Variants in SUMO3 observed in about 807,000 individuals in gnomAD.
SUMO3 encodes the protein small ubiquitin like modifier 3.
Under a neutral mutation model 11.1 loss-of-function variants are expected in SUMO3, and 2 were observed. The ratio of observed to expected loss-of-function variants is 0.18; its 90% confidence interval spans 0.07 to 0.57. The LOEUF is 0.57. Among genes scored for constraint, SUMO3 ranks in the 20% least tolerant of loss-of-function variants. SUMO3 has a pLI of 0.92. For missense variants in SUMO3, 70 were observed against 132.8 expected (o/e 0.53, Z 2.32); for synonymous variants, 56 against 53.5 (o/e 1.05, Z -0.20).
Position 44,810,882 on chromosome 21 carries a change from C to T in SUMO3, c.151-1764G>A, listed in dbSNP as rs1165414284. On this transcript the variant is annotated intron_variant, in intron 2 of 3. Coordinates refer to ENST00000332859, the MANE Select transcript of SUMO3 (RefSeq NM_006936.3). The surrounding 1 kb of genome is among the most constrained non-coding windows in gnomAD (Gnocchi z 4.1). Reference sequence around the variant, plus strand: ...CAGAGGAGAACGGACAGGAAGGAGGCAGGAGAACACTCCCAACACAGGCAC... The same window carrying T: ...CAGAGGAGAACGGACAGGAAGGAGGTAGGAGAACACTCCCAACACAGGCAC... Among the ~76,000 whole-genome samples the T allele has an allele frequency of 4.6e-5, 7 of 151,990 alleles. No homozygotes were observed. Among genetic ancestry groups the T allele is most frequent in the Admixed American group, 4.6e-4 (7 of 15,258 alleles).
Position 44,806,627 on chromosome 21 carries a change from A to G in SUMO3, c.*324T>C. ...GGAGTCAGATCCCTGGCCAGACTAA[A>G]AGCGAACATTCAGGCTATAATTTTG... On this transcript the variant is annotated 3_prime_UTR_variant, in exon 4 of 4. Coordinates refer to ENST00000332859, the MANE Select transcript of SUMO3 (RefSeq NM_006936.3). The G allele has an allele frequency of 2.6e-6, 1 of 388,112 alleles. No individual in the cohort carries two copies. Among genetic ancestry groups the G allele is most frequent in the Non-Finnish European group, 4.5e-6 (1 of 222,490 alleles). The allele number at this position is 388,112 out of a possible 1,614,324, so 24.0% of individuals were successfully genotyped here.
rs200616849 is a variant in SUMO3, at chr21:44,806,887, T to C, written c.*64A>G. 8.6e-4 allele frequency: 1,370 copies of C among 1,598,170 alleles called. 24 individuals are homozygous for C. The South Asian group carries it at 0.013, about 16-fold the overall frequency. On this transcript the variant is annotated 3_prime_UTR_variant, in exon 4 of 4. Coordinates refer to ENST00000332859, the MANE Select transcript of SUMO3 (RefSeq NM_006936.3). ...TCCGCAGACACCTTTGTGGTCGGCA[T>C]GGTCACGTGCTCACCATTCAACAGC...
intron 2 of SUMO3, chr21:44,813,643 G>C: frequency 1.5e-6 from 1 of 654,528 alleles, no homozygotes; most frequent in Non-Finnish European, 2.6e-6. Flanking sequence ...CCAGACCTGA[G>C]CAGGGCCCCC....
Position 44,806,278 on chromosome 21 carries a change from C to T in SUMO3, c.*673G>A, listed in dbSNP as rs1195522518. The T allele has an allele frequency of 1.9e-5, 2 of 106,572 alleles. No homozygotes were observed. The highest frequency in any genetic ancestry group is 3.8e-5 in the Non-Finnish European group (2 of 52,454). The allele number at this position is 106,572 out of a possible 1,614,324, so 6.6% of individuals were successfully genotyped here. Reference sequence around the variant, plus strand: ...GCAGGGAGTGGGGTGGGAGGGGTGGCAGGGGGGTGGGTCCTGGGCCTCAGA... The same window carrying T: ...GCAGGGAGTGGGGTGGGAGGGGTGGTAGGGGGGTGGGTCCTGGGCCTCAGA... On this transcript the variant is annotated 3_prime_UTR_variant, in exon 4 of 4. Coordinates refer to ENST00000332859, the MANE Select transcript of SUMO3 (RefSeq NM_006936.3).
chr21:44,809,759 C>T lies in SUMO3; in HGVS notation c.151-641G>A, dbSNP rs148248359. Among the ~76,000 whole-genome samples the T allele has an allele frequency of 6.6e-3, 1,007 of 152,258 alleles. 4 individuals carry two copies. The highest frequency in any genetic ancestry group is 0.014 in the South Asian group (67 of 4,828). ...ATGTGCCAGGGGAGGGGAAATGAGC[C>T]GCCAGGTGAATACTAACCTTCCAGT... On this transcript the variant is annotated intron_variant, in intron 2 of 3. Transcript: ENST00000332859.
In SUMO3 at chr21:44,805,940, A is replaced by ATT. The variant is rs2083173247; in HGVS notation, c.*1010_*1011insAA. The ATT allele has an allele frequency of 1.3e-5, 2 of 152,526 alleles. No individual in the cohort carries two copies. Among genetic ancestry groups the ATT allele is most frequent in the Non-Finnish European group, 2.9e-5 (2 of 68,046 alleles). 9.4% of individuals were successfully genotyped at this position (152,526 alleles called of 1,614,324 possible). On this transcript the variant is annotated 3_prime_UTR_variant, in exon 4 of 4. Transcript: ENST00000332859. Reference sequence around the variant, plus strand: ...AATCACCAGACTAATGCATAAATTCAATACCTATTTGGAAAGCAGCACGGC... The same window carrying ATT: ...AATCACCAGACTAATGCATAAATTCATTATACCTATTTGGAAAGCAGCACGGC...
At position 44,806,812 on chromosome 21, in the gene SUMO3, T is replaced by G. The variant is rs372273961; in HGVS notation, c.*139A>C. 7.3e-5 allele frequency: 106 copies of G among 1,460,036 alleles called. No homozygotes were observed. The highest frequency in any genetic ancestry group is 9.5e-5 in the Non-Finnish European group (105 of 1,099,994). 90.4% of individuals were successfully genotyped at this position (1,460,036 alleles called of 1,614,324 possible). On this transcript the variant is annotated 3_prime_UTR_variant, in exon 4 of 4. Coordinates refer to ENST00000332859, the MANE Select transcript of SUMO3 (RefSeq NM_006936.3). ...CTGCAGATATAGTTTTGAGTTGCACTTGAAGTACATCAAAGAGAGGAAAAT... is the reference window on the plus strand; with the variant it reads ...CTGCAGATATAGTTTTGAGTTGCACGTGAAGTACATCAAAGAGAGGAAAAT...
rs111414442 is a variant in SUMO3 at position 44,810,172 on chromosome 21, C to T, written c.151-1054G>A. ...TTTGATTTAACTGAAACAGGACAGACGGGGTTAAAACGTGCATCTCTGCTC... is the reference window on the plus strand; with the variant it reads ...TTTGATTTAACTGAAACAGGACAGATGGGGTTAAAACGTGCATCTCTGCTC... On this transcript the variant is annotated intron_variant, in intron 2 of 3. Coordinates refer to ENST00000332859, the MANE Select transcript of SUMO3 (RefSeq NM_006936.3). The surrounding 1 kb of genome is among the most constrained non-coding windows in gnomAD (Gnocchi z 4.1). 3.0e-4 allele frequency among the ~76,000 whole-genome samples: 45 copies of T among 152,284 alleles called. No homozygotes were observed. The highest frequency in any genetic ancestry group is 8.2e-4 in the African/African-American group (34 of 41,558).
chr21:44,809,369 C>A (rs1412909422), intron 2 of SUMO3, among the ~76,000 whole-genome samples: 1 of 152,208 alleles, frequency 6.6e-6, no homozygotes, highest in Non-Finnish European at 1.5e-5. Context: ...TGCCTGACAC[C>A]ACTGCTTTCA....
chr21:44,808,237 G>A (rs916241554), intron 3 of SUMO3: 4 of 252,716 alleles, frequency 1.6e-5, no homozygotes, highest in Admixed American at 5.5e-5. Context: ...TTTCGGCCGG[G>A]CGCGTTGGCT....
At chr21:44,816,660 G>A (rs1466264785) in intron 1 of SUMO3, among the ~76,000 whole-genome samples, 1 of 152,150 alleles carries the variant, frequency 6.6e-6, no homozygotes, top group Non-Finnish European at 1.5e-5. Flanking sequence ...TATGAACACT[G>A]GAGAATGCGA....
chr21:44,813,731 A>G, intron 2 of SUMO3: 1 of 1,308,714 alleles, frequency 7.6e-7, no homozygotes, highest in Non-Finnish European at 1.0e-6. Flanking sequence ...CCGCCCTGTC[A>G]GGAAGAAAAA....
chr21:44,817,871 T>C (rs909010299), intron 1 of SUMO3, 77 bp downstream of exon 1: 9 of 3,910 alleles, frequency 2.3e-3, no homozygotes, highest in African/African-American at 6.7e-3. Flanking sequence ...CGGGGCGGAG[T>C]CGGGGTGGGG....
chr21:44,809,184 T>C (rs1214564834), intron 2 of SUMO3, 66 bp from the exon 3 acceptor site: 5 of 1,493,602 alleles, frequency 3.3e-6, no homozygotes, highest in East Asian at 2.3e-5. Flanking sequence ...GCAGTGGCCA[T>C]TAGTCTCACT....
In SUMO3 at chr21:44,806,778, G is replaced by T; in HGVS notation, c.*173C>A. ...TCTGATTGGCCCAATTTAAGTTACA[G>T]ATTCATCCCTGCAGATATAGTTTTG... is the stretch of plus-strand genomic sequence containing the variant. On this transcript the variant is annotated 3_prime_UTR_variant, in exon 4 of 4. Coordinates refer to ENST00000332859, the MANE Select transcript of SUMO3 (RefSeq NM_006936.3). 1 of 1,395,572 alleles carries T rather than the reference G, an allele frequency of 7.2e-7. No individual in the cohort carries two copies. Among genetic ancestry groups the T allele is most frequent in the Non-Finnish European group, 9.4e-7 (1 of 1,066,876 alleles). 86.4% of individuals were successfully genotyped at this position (1,395,572 alleles called of 1,614,324 possible). A position where few individuals can be genotyped will look rare whatever the true frequency, so the allele number is the denominator to read the frequency against.
chr21:44,813,753 T>C (rs1201033874), intron 2 of SUMO3: 4 of 1,424,892 alleles, frequency 2.8e-6, no homozygotes, highest in Non-Finnish European at 3.7e-6. Context: ...CCACCACACT[T>C]CTCCGAGCCT....
In SUMO3 at chr21:44,817,985, C is replaced by T. The variant is rs981991442; in HGVS notation, c.-17G>A. 36 of 1,167,046 alleles carry T rather than the reference C, an allele frequency of 3.1e-5. No homozygotes were observed. The highest frequency in any genetic ancestry group is 3.7e-5 in the Non-Finnish European group (35 of 950,670). 72.3% of individuals were successfully genotyped at this position (1,167,046 alleles called of 1,614,324 possible). On this transcript the variant is annotated 5_prime_UTR_variant, in exon 1 of 4. Coordinates refer to ENST00000332859, the MANE Select transcript of SUMO3 (RefSeq NM_006936.3). ...CTCGGACATGGCTGCGCGAGCGGCG[C>T]GGGGAGGCGGCGCGGGGGAAGCAGC...
At chr21:44,808,613 G>A (rs118156675) in intron 3 of SUMO3, 38,023 of 1,367,020 alleles carry the variant, frequency 0.028, 611 homozygotes, top group Non-Finnish European at 0.032. Context: ...GCATGTGCCT[G>A]AGAGAAACGA....
In SUMO3 at chr21:44,808,574, A is replaced by C. The variant is rs997683852; in HGVS notation, c.222+473T>G. On this transcript the variant is annotated intron_variant, in intron 3 of 3. Coordinates refer to ENST00000332859, the MANE Select transcript of SUMO3 (RefSeq NM_006936.3). ...TTCCATGACAGTATGATGCCCTGCA[A>C]CGTGATAGATGAAATCTCATTCATG... 4.3e-6 allele frequency: 6 copies of C among 1,385,700 alleles called. No homozygotes were observed. The Admixed American group carries it at 2.0e-4, about 46-fold the overall frequency. 85.8% of individuals were successfully genotyped at this position (1,385,700 alleles called of 1,614,324 possible). A position where few individuals can be genotyped will look rare whatever the true frequency, so the allele number is the denominator to read the frequency against.
Sources: allele counts gnomAD v4.1 joint callset (sites outside exome capture counted in the v4.1 genomes callset), GRCh38; gene constraint gnomAD v4.1.1; non-coding constraint Gnocchi (gnomAD v3.1); transcripts MANE v1.5; gene names NCBI Gene and HGNC (gene_info 2026-07-23, HGNC 2026-07-21).